PCDHA8: variants seen among roughly 807,000 people sequenced by gnomAD.
PCDHA8 encodes the protein protocadherin alpha 8.
Under a neutral mutation model 61.8 loss-of-function variants are expected in PCDHA8, and 53 were observed. The ratio of observed to expected loss-of-function variants is 0.86; its 90% CI spans 0.69 to 1.08. PCDHA8 has a LOEUF of 1.08. PCDHA8 is among the 50% of genes least tolerant of loss of function. The pLI, the probability that PCDHA8 is intolerant of heterozygous loss-of-function variation, is 0.00. For missense variants in PCDHA8, 1,293 were observed against 1,245.0 expected (o/e 1.04, Z -0.58); for synonymous variants, 618 against 556.6 (o/e 1.11, Z -1.55).
chr5:140,869,224 C>T, intron 1 of PCDHA8: 1 of 1,613,836 alleles, frequency 6.2e-7, no homozygotes, highest in South Asian at 1.1e-5. Context: ...GGAGGCCAAA[C>T]ACGGCACCTT....
chr5:140,907,344 C>T (rs548533041), intron 1 of PCDHA8, among the ~76,000 whole-genome samples: 111 of 152,276 alleles, frequency 7.3e-4, no homozygotes, highest in Non-Finnish European at 1.2e-3. Flanking sequence ...TGCATGAGCC[C>T]GCTGCTGCAC....
chr5:140,978,575 G>A (rs2096810585), intron 1 of PCDHA8, among the ~76,000 whole-genome samples: 1 of 152,202 alleles, frequency 6.6e-6, no homozygotes, highest in African/African-American at 2.4e-5. Flanking sequence ...ATACTGAATT[G>A]GGAATGTTCC....
chr5:140,874,917 T>G (rs2153317662), intron 1 of PCDHA8, among the ~76,000 whole-genome samples: 2 of 152,292 alleles, frequency 1.3e-5, no homozygotes, highest in Middle Eastern at 6.8e-3. Flanking sequence ...GGAGTGCTTG[T>G]GAAGGTTAAA....
intron 1 of PCDHA8, chr5:140,870,238 G>A: frequency 6.2e-7 from 1 of 1,614,162 alleles, no homozygotes; most frequent in Non-Finnish European, 8.5e-7. Context: ...CCGTGACTCA[G>A]GTGTCAACGG....
At chr5:140,951,822 C>T (rs926525028) in intron 1 of PCDHA8, among the ~76,000 whole-genome samples, 11 of 152,152 alleles carry the variant, frequency 7.2e-5, no homozygotes, top group African/African-American at 2.7e-4. Flanking sequence ...AAAGTCTGAA[C>T]TCATTCCAGC....
chr5:140,951,779 CA>C (rs1402940575), intron 1 of PCDHA8, among the ~76,000 whole-genome samples: 1 of 152,142 alleles, frequency 6.6e-6, no homozygotes, highest in East Asian at 1.9e-4. Flanking sequence ...TCTTACATTG[CA>C]AAATACAATT....
rs1428420937 is a variant in PCDHA8 at position 140,841,237 on chromosome 5, C to A, written c.-85C>A. On this transcript the variant is annotated 5_prime_UTR_variant, in exon 1 of 4. Transcript: ENST00000531613. ...AAAGGCCGAACAACGGGAGATGCAGCGGAATTGGATTAAAAGACTCTGAAA... is the reference window on the plus strand; with the variant it reads ...AAAGGCCGAACAACGGGAGATGCAGAGGAATTGGATTAAAAGACTCTGAAA... 21 of 1,479,664 alleles carry A rather than the reference C, an allele frequency of 1.4e-5. No individual in the cohort carries two copies. Among genetic ancestry groups the A allele is most frequent in the Non-Finnish European group, 1.9e-5 (21 of 1,101,780 alleles). 91.7% of individuals were successfully genotyped at this position (1,479,664 alleles called of 1,614,324 possible).
At position 140,849,851 on chromosome 5, in the gene PCDHA8, A is replaced by T. The variant is rs148732691; in HGVS notation, c.2394+6136A>T. On this transcript the variant is annotated intron_variant, in intron 1 of 3. Coordinates refer to ENST00000531613, the MANE Select transcript of PCDHA8 (RefSeq NM_018911.3). Reference sequence around the variant, plus strand: ...AGGTGGCCGACGTGAACGACAACGCACCAGCGTTCGCGCAGTCCGAGTACA... The same window carrying T: ...AGGTGGCCGACGTGAACGACAACGCTCCAGCGTTCGCGCAGTCCGAGTACA... The T allele has an allele frequency of 4.9e-4, 784 of 1,598,368 alleles. 43 individuals are homozygous for T. The African/African-American group carries it at 9.3e-3, about 19-fold the overall frequency.
rs2150413106 is a variant in PCDHA8, at chr5:140,848,576, GA to G, written c.2394+4862del. The G allele has an allele frequency of 8.8e-6, 14 of 1,595,434 alleles. No homozygotes were observed. The Admixed American group carries it at 2.0e-4, about 23-fold the overall frequency. On this transcript the variant is annotated intron_variant, in intron 1 of 3. Transcript: ENST00000531613. Reference sequence around the variant, plus strand: ...TGATCCTCGCAATGTGGGTGGTGGGGAGCGGCCAGCTCCACTACTCCGTCCC... The same window carrying G: ...TGATCCTCGCAATGTGGGTGGTGGGGGCGGCCAGCTCCACTACTCCGTCCC...
chr5:140,940,499 G>A (rs190058542), intron 1 of PCDHA8, among the ~76,000 whole-genome samples: 23 of 151,756 alleles, frequency 1.5e-4, no homozygotes, highest in African/African-American at 3.9e-4. Context: ...GTCTTGCTCC[G>A]TCGCTCAGGC....
At chr5:140,910,276 A>G (rs1461426502) in intron 1 of PCDHA8, among the ~76,000 whole-genome samples, 2 of 152,124 alleles carry the variant, frequency 1.3e-5, no homozygotes, top group African/African-American at 4.8e-5. Flanking sequence ...ACTTCTAGGA[A>G]CACCATGATT....
At chr5:140,886,084 G>A (rs1554182347) in intron 1 of PCDHA8, among the ~76,000 whole-genome samples, 1 of 152,140 alleles carries the variant, frequency 6.6e-6, no homozygotes, top group Non-Finnish European at 1.5e-5. Context: ...CCACAACCTG[G>A]ATATTGACAT....
chr5:140,907,158 T>C (rs1482177408), intron 1 of PCDHA8, among the ~76,000 whole-genome samples: 1 of 152,146 alleles, frequency 6.6e-6, no homozygotes, highest in Non-Finnish European at 1.5e-5. Flanking sequence ...AACAGTACCA[T>C]ATATTGGATG....
chr5:140,886,558 T>G (rs535461538), intron 1 of PCDHA8, among the ~76,000 whole-genome samples: 1 of 152,202 alleles, frequency 6.6e-6, no homozygotes, highest in South Asian at 2.1e-4. Flanking sequence ...CTGGGCACGG[T>G]GGCTCACGCC....
At chr5:140,858,411 CTAT>C (rs782056031) in intron 1 of PCDHA8, 1 of 1,564,168 alleles carries the variant, frequency 6.4e-7, no homozygotes. Flanking sequence ...GAAGATCAGT[CTAT>C]TGGAGGGGAC....
chr5:140,850,903 G>A (rs2150501679), intron 1 of PCDHA8: 2 of 1,560,976 alleles, frequency 1.3e-6, no homozygotes, highest in Admixed American at 1.9e-5. Flanking sequence ...GGTTTTTCTA[G>A]CATTTTATTT....
chr5:140,856,580 G>A lies in PCDHA8; in HGVS notation c.2394+12865G>A, dbSNP rs537848812. 23 of 1,597,760 alleles carry A rather than the reference G, an allele frequency of 1.4e-5. 2 individuals carry two copies. In the South Asian group the frequency reaches 2.5e-4, roughly 18 times the overall value. On this transcript the variant is annotated intron_variant, in intron 1 of 3. Coordinates refer to ENST00000531613, the MANE Select transcript of PCDHA8 (RefSeq NM_018911.3). ...CAAACTCAGTCCAAATGAGTATTTT[G>A]TTCTTGATATTATAAACAAAAAAGA...
intron 3 of PCDHA8, among the ~76,000 whole-genome samples, chr5:140,990,831 A>G (rs1004872074): frequency 6.6e-6 from 1 of 152,192 alleles, no homozygotes; most frequent in Non-Finnish European, 1.5e-5. Context: ...GCTAAAGCCT[A>G]TTAGCAAAAA....
intron 1 of PCDHA8, among the ~76,000 whole-genome samples, chr5:140,911,305 T>C (rs1036239500): frequency 1.3e-5 from 2 of 152,186 alleles, no homozygotes; most frequent in Non-Finnish European, 2.9e-5. Context: ...CATATCCCCA[T>C]TCCAAGTTTC....
Sources: allele counts gnomAD v4.1 joint callset (sites outside exome capture counted in the v4.1 genomes callset), GRCh38; gene constraint gnomAD v4.1.1; transcripts MANE v1.5; gene names NCBI Gene and HGNC (gene_info 2026-07-23, HGNC 2026-07-21).